KNDC1: variants seen among roughly 807,000 people sequenced by gnomAD.
KNDC1 encodes kinase non-catalytic C-lobe domain-containing protein 1.
In KNDC1, 106 loss-of-function variants were observed where a neutral mutation model predicts 172.8. The ratio of observed to expected loss-of-function variants is 0.61; its 90% CI spans 0.52 to 0.72. The LOEUF (loss-of-function observed/expected upper bound fraction) is 0.72, where lower values mean the gene tolerates loss of function less well. Ranked by LOEUF, KNDC1 falls within the 30% of genes least tolerant of loss-of-function variation. The probability of loss-of-function intolerance (pLI) is 0.00; values close to 1 mark genes in which losing one functional copy is unlikely to be tolerated. For missense variants in KNDC1, 2,325 were observed against 2,394.5 expected (o/e 0.97, Z 0.61); for synonymous variants, 1,083 against 1,062.2 (o/e 1.02, Z -0.38).
intron 3 of KNDC1, 125 bp from the exon 4 acceptor site, chr10:133,183,219 C>A: frequency 8.3e-7 from 1 of 1,201,982 alleles, no homozygotes; most frequent in Non-Finnish European, 1.1e-6. Context: ...GGCACGGGTG[C>A]TGCTTCCCCT....
intron 3 of KNDC1, chr10:133,178,965 CAG>C (rs1564879514): frequency 6.6e-6 from 1 of 152,264 alleles, no homozygotes; most frequent in Non-Finnish European, 1.5e-5. Context: ...TCCCTGTGGA[CAG>C]AGAGGTGGGA....
intron 5 of KNDC1, among the ~76,000 whole-genome samples, 156 bp from the exon 6 acceptor site, chr10:133,185,818 T>C (rs1853881832): frequency 1.9e-5 from 1 of 52,554 alleles, no homozygotes; most frequent in Admixed American, 2.0e-4. Flanking sequence ...GGTTGGGGTC[T>C]GTGATCGTGG....
At chr10:133,202,581 C>T (rs1210520650) in intron 17 of KNDC1, 1 of 456,380 alleles carries the variant, frequency 2.2e-6, no homozygotes, top group Non-Finnish European at 4.4e-6. Context: ...CCGGGAACCT[C>T]TCCTACCACC....
At chr10:133,192,066 C>G (rs1222844805) in intron 9 of KNDC1, among the ~76,000 whole-genome samples, 1 of 152,242 alleles carries the variant, frequency 6.6e-6, no homozygotes, top group Non-Finnish European at 1.5e-5. Flanking sequence ...GTTGGTAAAA[C>G]AGCTACACTG....
chr10:133,167,409 CCCTGCGGGA>C lies in KNDC1; in HGVS notation c.134_142del (p.Leu45_Asp47del). The stretch of plus-strand genomic sequence containing the variant: ...AACGTGTCTCTGGCTGACATCCTCT[CCCTGCGGGA>C]CCGCGGCCTCAGCGAGCAGGAAGCC... On this transcript the variant is annotated inframe_deletion, in exon 2 of 30. Coordinates refer to ENST00000304613, the MANE Select transcript of KNDC1 (RefSeq NM_152643.8). 6.3e-7 allele frequency: 1 copy of C among 1,598,612 alleles called. No homozygotes were observed. Among genetic ancestry groups the C allele is most frequent in the Non-Finnish European group, 8.5e-7 (1 of 1,174,450 alleles).
In KNDC1 at chr10:133,186,489, C is replaced by T. The variant is rs754002499; in HGVS notation, c.1141C>T (p.Arg381Cys). The change falls in exon 6 of 30, where the codon CGC (arginine) becomes TGC (cysteine). Residue 381 changes from arginine to cysteine, a missense_variant. By Grantham distance (180) the Arg-to-Cys change is radical. Transcript: ENST00000304613. Reference protein sequence around the residue: ...HQLGRVPCAGRSTDRGPGVPG... With the variant: ...HQLGRVPCAGCSTDRGPGVPG... ...GCTGGGACGGGTTCCCTGTGCAGGCCGCAGCACGGACAGGGGCCCTGGGGT... is the reference window on the plus strand; with the variant it reads ...GCTGGGACGGGTTCCCTGTGCAGGCTGCAGCACGGACAGGGGCCCTGGGGT... 1.6e-5 allele frequency: 26 copies of T among 1,612,100 alleles called. No homozygotes were observed. Among genetic ancestry groups the T allele is most frequent in the Admixed American group, 5.0e-5 (3 of 59,924 alleles).
chr10:133,220,122 G>T lies in KNDC1; in HGVS notation c.5018+10G>T. 6.6e-7 allele frequency: 1 copy of T among 1,518,066 alleles called. No homozygotes were observed. The highest frequency in any genetic ancestry group is 8.9e-7 in the Non-Finnish European group (1 of 1,121,990). 94.0% of individuals were successfully genotyped at this position (1,518,066 alleles called of 1,614,324 possible). On this transcript the variant is annotated intron_variant, in intron 29 of 29. Transcript: ENST00000304613. ...GGTGGAGCAAGCTCAGGTGAGGAGG[G>T]GCTCAGGCGGCCGCGCGCCCAGGAG...
At chr10:133,192,312 A>G (rs1854087396) in intron 9 of KNDC1, among the ~76,000 whole-genome samples, 1 of 152,208 alleles carries the variant, frequency 6.6e-6, no homozygotes, top group South Asian at 2.1e-4. Flanking sequence ...ACATAGACCA[A>G]TGGAAGAGAA....
chr10:133,215,790 C>T (rs570689299), intron 26 of KNDC1, among the ~76,000 whole-genome samples: 23 of 152,364 alleles, frequency 1.5e-4, no homozygotes, highest in South Asian at 4.1e-4. Context: ...GTCCTGGTCA[C>T]GCACCCGTGT....
At chr10:133,219,834 A>AC (rs1230167923) in intron 28 of KNDC1, 121 bp from the exon 29 acceptor site, 3 of 959,294 alleles carry the variant, frequency 3.1e-6, no homozygotes, top group Admixed American at 2.9e-5. Context: ...AGCCGGGTAG[A>AC]CCCCGTGCGT....
chr10:133,192,321 A>G (rs1854087615), intron 9 of KNDC1, among the ~76,000 whole-genome samples: 1 of 152,210 alleles, frequency 6.6e-6, no homozygotes, highest in African/African-American at 2.4e-5. Flanking sequence ...AATGGAAGAG[A>G]ATAGAGAGCC....
chr10:133,189,477 C>T, intron 7 of KNDC1, 121 bp from the exon 8 acceptor site: 2 of 908,362 alleles, frequency 2.2e-6, no homozygotes, highest in South Asian at 3.1e-5. Context: ...AGGTGCGTGC[C>T]CGTGCAATGG....
At chr10:133,203,365 C>T (rs561037391) in intron 17 of KNDC1, among the ~76,000 whole-genome samples, 11 of 152,384 alleles carry the variant, frequency 7.2e-5, no homozygotes, top group African/African-American at 2.2e-4. Context: ...ACACAGCGTC[C>T]GGCCCATGGC....
chr10:133,211,581 G>A lies in KNDC1; in HGVS notation c.4056+12G>A, dbSNP rs767862054. The A allele has an allele frequency of 1.4e-5, 23 of 1,609,540 alleles. No individual in the cohort carries two copies. The South Asian group carries it at 2.1e-4, about 15-fold the overall frequency. ...TCATCTCCTCCAAGGTGACAGTGGC[G>A]CTGAGCTGGGCGGCCGCACCCGGGG... On this transcript the variant is annotated intron_variant, in intron 22 of 29. Coordinates refer to ENST00000304613, the MANE Select transcript of KNDC1 (RefSeq NM_152643.8).
At chr10:133,178,775 C>T (rs943001614) in intron 3 of KNDC1, 7 of 152,210 alleles carry the variant, frequency 4.6e-5, no homozygotes, top group African/African-American at 1.7e-4. Flanking sequence ...TCAGGGGTGC[C>T]GTAGGACTCA....
At chr10:133,205,330 C>T (rs1035961840) in intron 17 of KNDC1, among the ~76,000 whole-genome samples, 1 of 152,220 alleles carries the variant, frequency 6.6e-6, no homozygotes, top group African/African-American at 2.4e-5. Context: ...GTGCATGAAG[C>T]AGTGCCCGGC....
At chr10:133,189,253 C>T (rs567793228) in intron 7 of KNDC1, among the ~76,000 whole-genome samples, 1 of 152,314 alleles carries the variant, frequency 6.6e-6, no homozygotes, top group Admixed American at 6.5e-5. Flanking sequence ...CACCGTGAGC[C>T]CGTGGCTGCC....
In KNDC1 at chr10:133,160,401, C is replaced by A; in HGVS notation, c.-67C>A. The A allele has an allele frequency of 1.1e-6, 1 of 949,812 alleles. No homozygotes were observed. Among genetic ancestry groups the A allele is most frequent in the Non-Finnish European group, 1.4e-6 (1 of 720,242 alleles). 58.8% of individuals were successfully genotyped at this position (949,812 alleles called of 1,614,324 possible). A position where few individuals can be genotyped will look rare whatever the true frequency, so the allele number is the denominator to read the frequency against. The stretch of plus-strand genomic sequence containing the variant: ...CGGGCGCGTCTCCATGGAGCCAGGG[C>A]GCGCGTAGCCGAGCCCAGCCCAGCC... On this transcript the variant is annotated 5_prime_UTR_variant, in exon 1 of 30. Coordinates refer to ENST00000304613, the MANE Select transcript of KNDC1 (RefSeq NM_152643.8).
rs749175181 is a variant in KNDC1 at position 133,207,254 on chromosome 10, ATCT to A, written c.3701_3703del (p.Phe1234del). On this transcript the variant is annotated inframe_deletion, in exon 20 of 30. Transcript: ENST00000304613. ...CCCCCTGGACGAGTCCTCCTCGCTC[ATCT>A]TCTACAACGTCAACAAGCACCCGGG... 6.2e-7 allele frequency: 1 copy of A among 1,613,118 alleles called. No homozygotes were observed. Among genetic ancestry groups the A allele is most frequent in the South Asian group, 1.1e-5 (1 of 91,090 alleles).
Sources: gnomAD v4.1 joint callset for allele counts (sites outside exome capture counted in the v4.1 genomes callset) on GRCh38, gnomAD v4.1.1 for gene constraint, MANE v1.5 for transcripts, NCBI Gene and HGNC (gene_info 2026-07-23, HGNC 2026-07-21) for gene names.